The following RMC1 variants were observed in gnomAD, a reference collection of about 807,000 sequenced individuals.
RMC1 encodes the protein regulator of MON1-CCZ1, also known as regulator of MON1-CCZ1 complex.
A neutral mutation model predicts 95.5 loss-of-function variants in RMC1; 44 were observed. That is an observed-to-expected ratio of 0.46 (90% confidence interval 0.36 to 0.59). The LOEUF is 0.59. Among genes scored for constraint, RMC1 ranks in the 20% least tolerant of loss-of-function variants. The probability of loss-of-function intolerance (pLI) is 0.00; values close to 1 mark genes in which losing one functional copy is unlikely to be tolerated. For missense variants in RMC1, 705 were observed against 819.6 expected, an observed-to-expected ratio of 0.86 and a Z score of 1.71; for synonymous variants, 320 against 303.6, an observed-to-expected ratio of 1.05 and a Z score of -0.56.
At position 23,504,457 on chromosome 18, in the gene RMC1, T is replaced by G; in HGVS notation, c.179+10T>G. ...ATCCCATCTCATTTAGGTAATGGTA[T>G]AGACACTTTCAGATCATTTTGTCAT... is the stretch of plus-strand genomic sequence containing the variant. On this transcript the variant is annotated intron_variant, in intron 2 of 19. Coordinates refer to ENST00000269221, the MANE Select transcript of RMC1 (RefSeq NM_013326.5). The G allele has an allele frequency of 6.3e-7, 1 of 1,596,846 alleles. No individual in the cohort carries two copies. Among genetic ancestry groups the G allele is most frequent in the Non-Finnish European group, 8.6e-7 (1 of 1,164,400 alleles).
chr18:23,524,818 G>C (rs776210710), intron 12 of RMC1, among the ~76,000 whole-genome samples: 8 of 151,738 alleles, frequency 5.3e-5, no homozygotes, highest in Non-Finnish European at 1.2e-4. Flanking sequence ...CTTCCCACCG[G>C]TGTCCGTGCC....
intron 5 of RMC1, among the ~76,000 whole-genome samples, chr18:23,511,331 AG>A: frequency 6.9e-6 from 1 of 144,258 alleles, no homozygotes; most frequent in Admixed American, 6.9e-5. Flanking sequence ...TGAGCAGGGG[AG>A]GGTGGGAGGA....
chr18:23,508,191 G>A, intron 4 of RMC1, 150 bp downstream of exon 4: 3 of 639,110 alleles, frequency 4.7e-6, no homozygotes, highest in South Asian at 6.6e-5. Flanking sequence ...CAGGCGGGGT[G>A]TTTGCTTTGT....
At chr18:23,519,032 C>A in intron 8 of RMC1, 37 bp from the exon 9 acceptor site, 2 of 1,612,166 alleles carry the variant, frequency 1.2e-6, no homozygotes, top group Non-Finnish European at 1.7e-6. Context: ...ATGTGAACTG[C>A]AGCTTGTTGA....
intron 5 of RMC1, among the ~76,000 whole-genome samples, chr18:23,512,245 C>A (rs1472495897): frequency 1.3e-5 from 2 of 151,738 alleles, no homozygotes; most frequent in Non-Finnish European, 2.9e-5. Flanking sequence ...GGTCTTGAAC[C>A]CCTGGCCTCA....
At chr18:23,519,789 A>G (rs759956267) in intron 9 of RMC1, among the ~76,000 whole-genome samples, 2 of 152,082 alleles carry the variant, frequency 1.3e-5, no homozygotes, top group Non-Finnish European at 2.9e-5. Context: ...GCTGGGGGAT[A>G]ATGGTTTTGA....
intron 2 of RMC1, chr18:23,506,183 A>AT (rs2057711675): frequency 6.6e-6 from 1 of 151,796 alleles, no homozygotes; most frequent in African/African-American, 2.4e-5. Flanking sequence ...AAAAAAAAAA[A>AT]GATTTTTAAA....
At chr18:23,516,217 C>T in intron 6 of RMC1, 103 bp from the exon 7 acceptor site, 1 of 1,428,316 alleles carries the variant, frequency 7.0e-7, no homozygotes, top group Non-Finnish European at 9.8e-7. Flanking sequence ...GGAAAGGATC[C>T]AAAGACGAAG....
intron 10 of RMC1, among the ~76,000 whole-genome samples, chr18:23,521,927 G>A (rs1025376705): frequency 3.3e-5 from 5 of 152,216 alleles, no homozygotes; most frequent in African/African-American, 1.2e-4. Context: ...GAATTGGCTA[G>A]TCTGAGGTTT....
In RMC1 at chr18:23,520,327, T is replaced by C. The variant is rs561745996; in HGVS notation, c.961+14T>C. 3.8e-6 allele frequency: 6 copies of C among 1,593,918 alleles called. No homozygotes were observed. In the African/African-American group the frequency reaches 8.0e-5, roughly 21 times the overall value. On this transcript the variant is annotated intron_variant, in intron 10 of 19. Coordinates refer to ENST00000269221, the MANE Select transcript of RMC1 (RefSeq NM_013326.5). ...TCCCCATCACAGGTAACACGGGTTC[T>C]GTAGAGGAGTCTGTGCTGCCCTTTC...
intron 5 of RMC1, among the ~76,000 whole-genome samples, chr18:23,514,307 G>C (rs971455400): frequency 1.3e-5 from 2 of 152,228 alleles, no homozygotes; most frequent in African/African-American, 4.8e-5. Flanking sequence ...CTGAGGTCAG[G>C]AGTTCGAGAC....
rs1203161140 is a variant in RMC1, at chr18:23,527,811, C to T, written c.1206C>T (p.Asp402=). The T allele has an allele frequency of 6.2e-7, 1 of 1,614,008 alleles. No individual in the cohort carries two copies. Among genetic ancestry groups the T allele is most frequent in the Non-Finnish European group, 8.5e-7 (1 of 1,179,942 alleles). Reference sequence around the variant, plus strand: ...CCTTTCCAGTGTTAAGTGAGTCAGACAGAGCATCGCTGCCCGTGATAGCCA... The same window carrying T: ...CCTTTCCAGTGTTAAGTGAGTCAGATAGAGCATCGCTGCCCGTGATAGCCA... ...SVCSQMLSES[D]RASLPVIATV... is the part of the protein sequence containing the mutation. Residue 402 remains aspartate (D), a synonymous_variant, in exon 14 of 20, where the codon GAC becomes GAT. Coordinates refer to ENST00000269221, the MANE Select transcript of RMC1 (RefSeq NM_013326.5).
chr18:23,511,873 C>G (rs2057867422), intron 5 of RMC1, among the ~76,000 whole-genome samples: 1 of 152,102 alleles, frequency 6.6e-6, no homozygotes, highest in South Asian at 2.1e-4. Flanking sequence ...GTACGAACAT[C>G]TGAAAAGCTG....
chr18:23,529,749 A>T lies in RMC1; in HGVS notation c.1494+37A>T, dbSNP rs778481229. 26 of 1,563,774 alleles carry T rather than the reference A, an allele frequency of 1.7e-5. No individual in the cohort carries two copies. The Middle Eastern group carries it at 5.0e-4, about 30-fold the overall frequency. Reference sequence around the variant, plus strand: ...TCATCTGGGCCCAAGTTAAAACAGAAGGAATTTAAAAAAAAAACACAGTCA... The same window carrying T: ...TCATCTGGGCCCAAGTTAAAACAGATGGAATTTAAAAAAAAAACACAGTCA... On this transcript the variant is annotated intron_variant, in intron 16 of 19. Coordinates refer to ENST00000269221, the MANE Select transcript of RMC1 (RefSeq NM_013326.5).
intron 15 of RMC1, 84 bp downstream of exon 15, chr18:23,529,382 A>G (rs908427940): frequency 4.6e-6 from 7 of 1,515,576 alleles, no homozygotes; most frequent in Non-Finnish European, 6.2e-6. Flanking sequence ...TCATGTGATT[A>G]GAGTCACTTG....
chr18:23,527,589 C>CTTTTT (rs71163615), intron 13 of RMC1, among the ~76,000 whole-genome samples: 3 of 108,366 alleles, frequency 2.8e-5, no homozygotes, highest in East Asian at 3.1e-4. Context: ...CCTGCTATAG[C>CTTTTT]TTTTTTTTTT....
intron 14 of RMC1, 41 bp downstream of exon 14, chr18:23,527,942 C>T: frequency 6.9e-7 from 1 of 1,454,470 alleles, no homozygotes; most frequent in Non-Finnish European, 9.5e-7. Flanking sequence ...TCCTCCCCCA[C>T]CCCCTCCCGG....
intron 17 of RMC1, 42 bp from the exon 18 acceptor site, chr18:23,530,187 C>T (rs747029799): frequency 1.4e-4 from 219 of 1,613,648 alleles, no homozygotes; most frequent in Middle Eastern, 4.9e-4. Flanking sequence ...AAATTTTAAC[C>T]GTTATCTTTC....
rs150715145 is a variant in RMC1 at position 23,515,954 on chromosome 18, T to C, written c.507T>C (p.Ser169=). 2.5e-6 allele frequency: 4 copies of C among 1,614,194 alleles called. No individual in the cohort carries two copies. In the African/African-American group the frequency reaches 5.3e-5, roughly 22 times the overall value. Residue 169 remains serine (S), a synonymous_variant, in exon 6 of 20, where the codon TCT becomes TCC. Coordinates refer to ENST00000269221, the MANE Select transcript of RMC1 (RefSeq NM_013326.5). ...CCGAGAGCGCCGTGATCTTGCTGTC[T>C]ACCACGGTCCTGGAGAATGTCCTGC... ...YCPESAVILL[S]TTVLENVLQP... is the part of the protein sequence containing the mutation.
Sources: gnomAD v4.1 joint callset for allele counts (sites outside exome capture counted in the v4.1 genomes callset) on GRCh38, gnomAD v4.1.1 for gene constraint, MANE v1.5 for transcripts, NCBI Gene and HGNC (gene_info 2026-07-23, HGNC 2026-07-21) for gene names.